The following ZC3H3 variants were observed in gnomAD, a reference collection of about 807,000 sequenced individuals.
ZC3H3 encodes zinc finger CCCH domain-containing protein 3.
A neutral mutation model predicts 77.3 loss-of-function variants in ZC3H3; 36 were observed. The observed-to-expected ratio is 0.47, with a 90% confidence interval of 0.36 to 0.61. The LOEUF (loss-of-function observed/expected upper bound fraction) is 0.61, where lower values mean the gene tolerates loss of function less well. ZC3H3 is among the 20% of genes least tolerant of loss of function. The probability of loss-of-function intolerance (pLI) is 0.00; values close to 1 mark genes in which losing one functional copy is unlikely to be tolerated. For missense variants in ZC3H3, 1,331 were observed against 1,312.2 expected, an observed-to-expected ratio of 1.01 and a Z score of -0.22; for synonymous variants, 626 against 555.2, an observed-to-expected ratio of 1.13 and a Z score of -1.79.
intron 4 of ZC3H3, among the ~76,000 whole-genome samples, chr8:143,499,579 A>C (rs1821462244): frequency 6.6e-6 from 1 of 151,858 alleles, no homozygotes; most frequent in Non-Finnish European, 1.5e-5. Context: ...ACCAGAAGCG[A>C]CAATGCTATC....
chr8:143,498,941 G>GGCA, intron 4 of ZC3H3, among the ~76,000 whole-genome samples: 1 of 129,532 alleles, frequency 7.7e-6, no homozygotes, highest in African/African-American at 3.3e-5. Context: ...ACAGGGCAGT[G>GGCA]CAGGGGGTAC....
intron 3 of ZC3H3, among the ~76,000 whole-genome samples, chr8:143,512,277 G>A (rs1194051604): frequency 1.3e-5 from 2 of 152,262 alleles, no homozygotes; most frequent in Non-Finnish European, 1.5e-5. Context: ...AATTCCTGAA[G>A]ATTCCACCTT....
chr8:143,484,900 G>A (rs73715626), intron 4 of ZC3H3: 5,091 of 455,296 alleles, frequency 0.011, 209 homozygotes, highest in African/African-American at 0.092. Context: ...CTGGAAAGGC[G>A]TGGTGACCTC....
At chr8:143,513,947 C>T (rs1476153430) in intron 3 of ZC3H3, among the ~76,000 whole-genome samples, 3 of 152,152 alleles carry the variant, frequency 2.0e-5, no homozygotes, top group Non-Finnish European at 2.9e-5. Context: ...CAGTGTAGCT[C>T]GCCAGGGCTG....
At chr8:143,475,633 C>A in intron 4 of ZC3H3, 48 bp from the exon 5 acceptor site, 1 of 1,515,728 alleles carries the variant, frequency 6.6e-7, no homozygotes. Context: ...GGACAGACTA[C>A]AGCTCTGATG....
intron 3 of ZC3H3, among the ~76,000 whole-genome samples, chr8:143,529,531 C>T (rs1399507771): frequency 1.3e-5 from 2 of 152,208 alleles, no homozygotes; most frequent in Non-Finnish European, 1.5e-5. Context: ...CATGAACAGC[C>T]GTCAAGGCAG....
chr8:143,508,663 C>T (rs1043048143), intron 3 of ZC3H3, among the ~76,000 whole-genome samples: 21 of 152,150 alleles, frequency 1.4e-4, no homozygotes, highest in African/African-American at 4.6e-4. Context: ...GGCACAGGCC[C>T]GCCTTCCCAA....
chr8:143,501,803 G>A (rs1228046641), intron 4 of ZC3H3, among the ~76,000 whole-genome samples: 1 of 152,208 alleles, frequency 6.6e-6, no homozygotes, highest in African/African-American at 2.4e-5. Flanking sequence ...CGGGGCGCGG[G>A]TGTTACGTTA....
Position 143,538,137 on chromosome 8 carries a change from G to A in ZC3H3, c.1230C>T (p.Val410=). The change falls in exon 2 of 12, where the codon GTC becomes GTT. Residue 410 remains valine, a synonymous_variant. Coordinates refer to ENST00000262577, the MANE Select transcript of ZC3H3 (RefSeq NM_015117.3). ...TGTCCCCCGACGGGGACCTAGACAG[G>A]ACTGGGGAGAGCTGGGAGGCATGGT... ...SKDHASQLSP[V]LSRSPSGDRP... is the part of the protein sequence containing the mutation. 6.2e-7 allele frequency: 1 copy of A among 1,613,140 alleles called. No homozygotes were observed. Among genetic ancestry groups the A allele is most frequent in the South Asian group, 1.1e-5 (1 of 91,088 alleles).
intron 4 of ZC3H3, among the ~76,000 whole-genome samples, chr8:143,491,644 C>G (rs1044400343): frequency 6.6e-6 from 1 of 152,236 alleles, no homozygotes; most frequent in Admixed American, 6.5e-5. Context: ...ACAGAGAGGA[C>G]CCCCCTGTCC....
chr8:143,466,581 A>G (rs1341372860), intron 8 of ZC3H3, among the ~76,000 whole-genome samples: 1 of 152,200 alleles, frequency 6.6e-6, no homozygotes, highest in African/African-American at 2.4e-5. Context: ...AGGGCCACCC[A>G]GGGAGGGAAG....
Position 143,539,076 on chromosome 8 carries a change from C to T in ZC3H3, c.291G>A (p.Gly97=). Residue 97 remains glycine, a synonymous_variant, in exon 2 of 12, where the codon GGG becomes GGA. Transcript: ENST00000262577. ...GGACAGGAGGCTGGCCCCCCCGGGCCCCGTGCAACGGCCGCACAGCATGGT... is the reference window on the plus strand; with the variant it reads ...GGACAGGAGGCTGGCCCCCCCGGGCTCCGTGCAACGGCCGCACAGCATGGT... The part of the protein sequence containing the change: ...PADHAVRPLH[G]ARGGQPPVPQ... 1.2e-6 allele frequency: 2 copies of T among 1,612,982 alleles called. No individual in the cohort carries two copies. Among genetic ancestry groups the T allele is most frequent in the Non-Finnish European group, 1.7e-6 (2 of 1,180,006 alleles).
chr8:143,522,877 G>A (rs1035082368), intron 3 of ZC3H3, among the ~76,000 whole-genome samples: 8 of 152,044 alleles, frequency 5.3e-5, no homozygotes, highest in East Asian at 3.9e-4. Flanking sequence ...GTGAGATGGC[G>A]CCCCTGCACT....
At chr8:143,443,974 CTTTT>C (rs11316822) in intron 9 of ZC3H3, among the ~76,000 whole-genome samples, 1 of 137,742 alleles carries the variant, frequency 7.3e-6, no homozygotes, top group Admixed American at 7.2e-5. Flanking sequence ...TCTTTTTTTC[CTTTT>C]TTTTTTTTTT....
chr8:143,483,116 A>C (rs966841112), intron 4 of ZC3H3, among the ~76,000 whole-genome samples: 4 of 151,718 alleles, frequency 2.6e-5, no homozygotes, highest in African/African-American at 9.7e-5. Context: ...CCGAGCGGGG[A>C]GTGCGAAGTC....
At position 143,510,191 on chromosome 8, in the gene ZC3H3, C is replaced by T. The variant is rs1231915010; in HGVS notation, c.1562-2292G>A. On this transcript the variant is annotated intron_variant, in intron 3 of 11. Coordinates refer to ENST00000262577, the MANE Select transcript of ZC3H3 (RefSeq NM_015117.3). The stretch of plus-strand genomic sequence containing the variant: ...ATAACGCAGCGCCAGCCTCTTGTCA[C>T]AGCCCACTCAGGCTGGGCAGGTATA... Among the ~76,000 whole-genome samples, 4 of 152,372 alleles carry T rather than the reference C, an allele frequency of 2.6e-5. No individual in the cohort carries two copies. The East Asian group carries it at 7.7e-4, about 29-fold the overall frequency.
intron 3 of ZC3H3, among the ~76,000 whole-genome samples, chr8:143,514,586 C>G (rs2130442915): frequency 6.6e-6 from 1 of 152,348 alleles, no homozygotes. Context: ...GGCTCTCGCC[C>G]CTAGCAGCCA....
chr8:143,474,271 G>C (rs771375684), intron 5 of ZC3H3, among the ~76,000 whole-genome samples: 1 of 150,788 alleles, frequency 6.6e-6, no homozygotes, highest in East Asian at 1.9e-4. Flanking sequence ...GCACACACAG[G>C]GGTGACACAG....
intron 3 of ZC3H3, among the ~76,000 whole-genome samples, chr8:143,516,869 A>G (rs1822072020): frequency 6.6e-6 from 1 of 152,254 alleles, no homozygotes; most frequent in African/African-American, 2.4e-5. Flanking sequence ...GCAGCCCGAC[A>G]GGGCCATAAG....
Sources: gnomAD v4.1 joint callset for allele counts (sites outside exome capture counted in the v4.1 genomes callset) on GRCh38, gnomAD v4.1.1 for gene constraint, MANE v1.5 for transcripts, NCBI Gene and HGNC (gene_info 2026-07-23, HGNC 2026-07-21) for gene names.